The following CWF19L2 variants were observed in gnomAD, a reference collection of about 807,000 sequenced individuals.
CWF19L2 encodes the protein CWF19-like protein 2.
Under a neutral mutation model 111.7 loss-of-function variants are expected in CWF19L2, and 98 were observed. The observed-to-expected ratio is 0.88, with a 90% CI of 0.75 to 1.04. The LOEUF (loss-of-function observed/expected upper bound fraction) is 1.04, where lower values mean the gene tolerates loss of function less well. Among genes scored for constraint, CWF19L2 ranks in the 50% least tolerant of loss-of-function variants. The pLI is 0.00. For missense variants in CWF19L2, 1,101 were observed against 1,051.4 expected, an observed-to-expected ratio of 1.05 and a Z score of -0.65; for synonymous variants, 351 against 342.9, an observed-to-expected ratio of 1.02 and a Z score of -0.26.
intron 16 of CWF19L2, 54 bp from the exon 17 acceptor site, chr11:107,330,073 G>T: frequency 9.7e-7 from 1 of 1,027,778 alleles, no homozygotes; most frequent in Non-Finnish European, 1.4e-6. Flanking sequence ...AGAAAGTTAT[G>T]TTTAATCCCT....
At chr11:107,387,178 G>C (rs936251411) in intron 12 of CWF19L2, among the ~76,000 whole-genome samples, 1 of 151,456 alleles carries the variant, frequency 6.6e-6, no homozygotes, top group Non-Finnish European at 1.5e-5. Context: ...ATCCATAACA[G>C]TATTCTTGAT....
intron 10 of CWF19L2, among the ~76,000 whole-genome samples, chr11:107,401,474 CAAAAATAAAAAT>C (rs541439760): frequency 2.0e-5 from 3 of 151,624 alleles, no homozygotes; most frequent in East Asian, 3.9e-4. Flanking sequence ...ACAATAGCTG[CAAAAATAAAAAT>C]AAAAATAAAA....
intron 12 of CWF19L2, among the ~76,000 whole-genome samples, chr11:107,382,066 A>C (rs1860695029): frequency 6.6e-6 from 1 of 152,164 alleles, no homozygotes; most frequent in African/African-American, 2.4e-5. Flanking sequence ...TAATGAGGAA[A>C]GATGTATATA....
intron 12 of CWF19L2, among the ~76,000 whole-genome samples, chr11:107,388,115 A>C (rs1860796622): frequency 1.3e-5 from 2 of 152,156 alleles, no homozygotes; most frequent in African/African-American, 2.4e-5. Context: ...ATGAAACATC[A>C]CCTATATGGA....
At chr11:107,392,615 G>T (rs1860864728) in intron 11 of CWF19L2, among the ~76,000 whole-genome samples, 164 bp downstream of exon 11, 1 of 152,176 alleles carries the variant, frequency 6.6e-6, no homozygotes, top group Non-Finnish European at 1.5e-5. Context: ...AAAAGGCAAA[G>T]AGATATAACT....
chr11:107,442,975 A>G lies in CWF19L2; in HGVS notation c.414T>C (p.Asp138=), dbSNP rs1477888384. The part of the protein sequence containing the change: ...PDKEKAWKVK[D]EKSGKDDTQI... ...GGGTGTCATCTTTTCCTGACTTTTC[A>G]TCTTTCACTTTCCAGGCTTTTTCCT... Residue 138 remains aspartate (D), a synonymous_variant, in exon 4 of 18, where the codon GAT becomes GAC. Coordinates refer to ENST00000282251, the MANE Select transcript of CWF19L2 (RefSeq NM_152434.3). 1 of 1,551,718 alleles carries G rather than the reference A, an allele frequency of 6.4e-7. No homozygotes were observed. The highest frequency in any genetic ancestry group is 2.4e-5 in the East Asian group (1 of 40,916).
At chr11:107,409,812 A>G (rs527743882) in intron 10 of CWF19L2, among the ~76,000 whole-genome samples, 6 of 152,164 alleles carry the variant, frequency 3.9e-5, no homozygotes, top group Non-Finnish European at 7.4e-5. Context: ...GTGAAAGATC[A>G]TGGATCATTT....
At chr11:107,352,158 G>A (rs1191619922) in intron 13 of CWF19L2, among the ~76,000 whole-genome samples, 5 of 152,102 alleles carry the variant, frequency 3.3e-5, no homozygotes, top group African/African-American at 9.7e-5. Context: ...GTATTGTCCT[G>A]TATTTCCTAA....
intron 17 of CWF19L2, 54 bp downstream of exon 17, chr11:107,329,864 G>T: frequency 7.3e-7 from 1 of 1,374,114 alleles, no homozygotes; most frequent in South Asian, 1.4e-5. Context: ...CCTTTCAAAA[G>T]AAAAATGTTA....
intron 12 of CWF19L2, among the ~76,000 whole-genome samples, chr11:107,376,513 C>A (rs1277744530): frequency 2.5e-5 from 2 of 79,006 alleles, no homozygotes; most frequent in Admixed American, 1.2e-4. Context: ...AAGACAAAAA[C>A]CACATGATTA....
chr11:107,334,828 T>C lies in CWF19L2; in HGVS notation c.2439+53A>G, dbSNP rs534543729. 2 of 1,120,948 alleles carry C rather than the reference T, an allele frequency of 1.8e-6. 1 individual carries two copies. The highest frequency in any genetic ancestry group is 3.1e-5 in the African/African-American group (2 of 64,496). 69.4% of individuals were successfully genotyped at this position (1,120,948 alleles called of 1,614,324 possible). A position where few individuals can be genotyped will look rare whatever the true frequency, so the allele number is the denominator to read the frequency against. On this transcript the variant is annotated intron_variant, in intron 16 of 17. Coordinates refer to ENST00000282251, the MANE Select transcript of CWF19L2 (RefSeq NM_152434.3). ...TTGTCAACTAAGACATGGAAATTAA[T>C]AAAGATCCTGAGCACTAGGGTAATT...
chr11:107,345,087 G>C (rs1480292017), intron 14 of CWF19L2, among the ~76,000 whole-genome samples: 1 of 151,986 alleles, frequency 6.6e-6, no homozygotes, highest in Non-Finnish European at 1.5e-5. Context: ...ACCTTCACAT[G>C]CCTAGTGTTA....
chr11:107,404,803 A>G (rs1051797206), intron 10 of CWF19L2, among the ~76,000 whole-genome samples: 1 of 152,204 alleles, frequency 6.6e-6, no homozygotes, highest in Non-Finnish European at 1.5e-5. Flanking sequence ...AGACAGGTTC[A>G]TTATACACCC....
intron 3 of CWF19L2, among the ~76,000 whole-genome samples, chr11:107,452,079 G>T (rs1861785722): frequency 1.3e-5 from 2 of 152,062 alleles, no homozygotes; most frequent in Admixed American, 1.3e-4. Context: ...CCTAGCTACT[G>T]AAATAAGGCA....
chr11:107,352,287 TGCAAGA>T (rs1860166793), intron 13 of CWF19L2, among the ~76,000 whole-genome samples: 3 of 151,926 alleles, frequency 2.0e-5, no homozygotes, highest in Non-Finnish European at 4.4e-5. Context: ...TCCCACGAAA[TGCAAGA>T]GCATTTATAT....
At chr11:107,453,639 T>C (rs1318267364) in intron 3 of CWF19L2, among the ~76,000 whole-genome samples, 1 of 151,310 alleles carries the variant, frequency 6.6e-6, no homozygotes, top group East Asian at 2.0e-4. Flanking sequence ...AGAGCCTCCT[T>C]CTGCTTGAGA....
At chr11:107,384,061 C>T (rs1003279034) in intron 12 of CWF19L2, among the ~76,000 whole-genome samples, 1 of 152,150 alleles carries the variant, frequency 6.6e-6, no homozygotes. Flanking sequence ...CCAGTGTGTC[C>T]CCAGTAGAAC....
At chr11:107,403,745 C>A in intron 10 of CWF19L2, 1 of 882,648 alleles carries the variant, frequency 1.1e-6, no homozygotes, top group Non-Finnish European at 1.9e-6. Flanking sequence ...CTGCTTTTTG[C>A]CGGTCTGTTC....
intron 13 of CWF19L2, among the ~76,000 whole-genome samples, chr11:107,351,652 C>T (rs1371572637): frequency 6.6e-6 from 1 of 152,144 alleles, no homozygotes; most frequent in African/African-American, 2.4e-5. Flanking sequence ...TGCATAAAGG[C>T]ATCCAGTTAT....
Sources: allele counts gnomAD v4.1 joint callset (sites outside exome capture counted in the v4.1 genomes callset), GRCh38; gene constraint gnomAD v4.1.1; transcripts MANE v1.5; gene names NCBI Gene and HGNC (gene_info 2026-07-23, HGNC 2026-07-21).